The following AGMO variants were observed in gnomAD, a reference collection of about 807,000 sequenced individuals.
The protein encoded by AGMO is alkylglycerol monooxygenase.
Under a neutral mutation model 60.2 loss-of-function variants are expected in AGMO, and 75 were observed. The ratio of observed to expected loss-of-function variants is 1.25; its 90% confidence interval spans 1.03 to 1.51. AGMO has a LOEUF of 1.51. Among genes scored for constraint, AGMO ranks in the 40% most tolerant of loss-of-function variants. The pLI, the probability that AGMO is intolerant of heterozygous loss-of-function variation, is 0.00. For missense variants in AGMO, 763 were observed against 525.5 expected, an observed-to-expected ratio of 1.45 and a Z score of -4.42; for synonymous variants, 261 against 177.1, an observed-to-expected ratio of 1.47 and a Z score of -3.76.
chr7:15,492,650 G>C lies in AGMO; in HGVS notation c.409+52122C>G, dbSNP rs1481434386. Among the ~76,000 whole-genome samples, 4 of 151,812 alleles carry C rather than the reference G, an allele frequency of 2.6e-5. No homozygotes were observed. In the East Asian group the frequency reaches 5.8e-4, roughly 22 times the overall value. On this transcript the variant is annotated intron_variant, in intron 3 of 12. Coordinates refer to ENST00000342526, the MANE Select transcript of AGMO (RefSeq NM_001004320.2). ...AATTAATTTTTTACTAGGTCATAAG[G>C]TCAGTGAAGACAGAAACCTTCTTTA...
the AGMO span, among the ~76,000 whole-genome samples, chr7:15,166,756 T>G: frequency 6.6e-6 from 1 of 152,188 alleles, no homozygotes; most frequent in African/African-American, 2.4e-5. Flanking sequence ...CAATAGGATT[T>G]CCTAATGAAT....
At chr7:15,429,012 C>G (rs1781151098) in intron 4 of AGMO, among the ~76,000 whole-genome samples, 1 of 152,126 alleles carries the variant, frequency 6.6e-6, no homozygotes, top group South Asian at 2.1e-4. Flanking sequence ...CCATCACGTG[C>G]CCTGTTTTCC....
chr7:15,230,006 ATTATAAT>A (rs1387571565), intron 12 of AGMO, among the ~76,000 whole-genome samples: 1 of 151,766 alleles, frequency 6.6e-6, no homozygotes, highest in Non-Finnish European at 1.5e-5. Flanking sequence ...CAAAATTAAA[ATTATAAT>A]TTATACAATT....
At chr7:15,536,861 C>A (rs550017013) in intron 3 of AGMO, among the ~76,000 whole-genome samples, 1 of 151,976 alleles carries the variant, frequency 6.6e-6, no homozygotes, top group East Asian at 1.9e-4. Context: ...TAAATTTAGT[C>A]ATAATTATAC....
intron 5 of AGMO, among the ~76,000 whole-genome samples, chr7:15,406,568 A>G (rs1400889090): frequency 1.1e-4 from 14 of 129,496 alleles, no homozygotes; most frequent in East Asian, 9.0e-4. Context: ...ATACACACAC[A>G]CACACACACA....
intron 9 of AGMO, among the ~76,000 whole-genome samples, chr7:15,386,528 A>G (rs757971663): frequency 6.6e-6 from 1 of 152,244 alleles, no homozygotes; most frequent in Non-Finnish European, 1.5e-5. Flanking sequence ...TTGTTGCACA[A>G]TGAATTGTGA....
At chr7:15,516,053 G>C (rs1173445341) in intron 3 of AGMO, among the ~76,000 whole-genome samples, 1 of 152,150 alleles carries the variant, frequency 6.6e-6, no homozygotes, top group Non-Finnish European at 1.5e-5. Flanking sequence ...ATAAGTATGT[G>C]AGGTATGATG....
intron 2 of AGMO, among the ~76,000 whole-genome samples, chr7:15,549,929 C>G (rs2115294674): frequency 6.6e-6 from 1 of 150,538 alleles, no homozygotes; most frequent in African/African-American, 2.4e-5. Flanking sequence ...AAGCTCTCCT[C>G]AGCAAATGTA....
intron 4 of AGMO, among the ~76,000 whole-genome samples, chr7:15,422,047 T>A (rs1005048503): frequency 1.3e-5 from 2 of 151,806 alleles, no homozygotes; most frequent in Non-Finnish European, 2.9e-5. Context: ...AGATAGGAAC[T>A]GAAAAAAAAT....
At chr7:15,254,797 C>T (rs999466988) in intron 12 of AGMO, among the ~76,000 whole-genome samples, 2 of 151,310 alleles carry the variant, frequency 1.3e-5, no homozygotes, top group Non-Finnish European at 3.0e-5. Flanking sequence ...GACATTACAA[C>T]TGATACCACA....
the AGMO span, among the ~76,000 whole-genome samples, chr7:15,118,550 A>G: frequency 1.2e-4 from 18 of 152,114 alleles, no homozygotes; most frequent in African/African-American, 4.1e-4. Context: ...AACAAAAATC[A>G]TTGACTTCCT....
chr7:15,432,361 T>TATACATACATATATATATATACAC (rs370437254), intron 3 of AGMO, among the ~76,000 whole-genome samples: 2 of 123,940 alleles, frequency 1.6e-5, no homozygotes, highest in African/African-American at 6.1e-5. Flanking sequence ...CATATATATA[T>TATACATACATATATATATATACAC]ACACACACAT....
chr7:15,141,043 C>G, the AGMO span, among the ~76,000 whole-genome samples: 1 of 152,042 alleles, frequency 6.6e-6, no homozygotes, highest in Non-Finnish European at 1.5e-5. Context: ...CAAATGAGAC[C>G]AATTTATCTA....
At chr7:15,190,722 T>C in the AGMO span, among the ~76,000 whole-genome samples, 3 of 152,130 alleles carry the variant, frequency 2.0e-5, no homozygotes, top group East Asian at 1.9e-4. Flanking sequence ...GTAGTCCATA[T>C]CTGATCAAAA....
chr7:15,426,993 A>T (rs145122292), intron 4 of AGMO, among the ~76,000 whole-genome samples: 93 of 152,278 alleles, frequency 6.1e-4, no homozygotes, highest in African/African-American at 2.2e-3. Flanking sequence ...TCCTTTCTCT[A>T]AACTATAGGC....
chr7:15,382,760 GT>G (rs564552773), intron 10 of AGMO, among the ~76,000 whole-genome samples: 3 of 151,974 alleles, frequency 2.0e-5, no homozygotes, highest in Non-Finnish European at 4.4e-5. Context: ...TGAATATTCT[GT>G]TTTTTTAGAG....
At chr7:15,144,307 A>C in the AGMO span, among the ~76,000 whole-genome samples, 7 of 152,200 alleles carry the variant, frequency 4.6e-5, no homozygotes, top group African/African-American at 1.7e-4. Flanking sequence ...TTTCAATAGC[A>C]TCATACAATC....
At chr7:15,548,782 C>T (rs867872572) in intron 2 of AGMO, among the ~76,000 whole-genome samples, 39 of 152,244 alleles carry the variant, frequency 2.6e-4, no homozygotes, top group Admixed American at 3.3e-4. Flanking sequence ...TCTAGCAAGG[C>T]AGGCCAACGT....
the AGMO span, among the ~76,000 whole-genome samples, chr7:15,178,156 C>T: frequency 6.6e-6 from 1 of 152,136 alleles, no homozygotes; most frequent in African/African-American, 2.4e-5. Flanking sequence ...CTGTTCCTGC[C>T]TTACCATCTC....
Sources: gnomAD v4.1 joint callset for allele counts (sites outside exome capture counted in the v4.1 genomes callset) on GRCh38, gnomAD v4.1.1 for gene constraint, MANE v1.5 for transcripts, NCBI Gene and HGNC (gene_info 2026-07-23, HGNC 2026-07-21) for gene names.